The following GSDMB variants were observed in gnomAD, a reference collection of about 807,000 sequenced individuals.
GSDMB encodes the protein gasdermin-B.
Under a neutral mutation model 42.9 loss-of-function variants are expected in GSDMB, and 32 were observed. That is an observed-to-expected ratio of 0.75 (90% CI 0.56 to 1.00). The LOEUF (loss-of-function observed/expected upper bound fraction) is 1.00. GSDMB is among the 50% of genes least tolerant of loss of function. The pLI is 0.00. For synonymous variants in GSDMB, 175 were observed against 193.7 expected, an observed-to-expected ratio of 0.90 and a Z score of 0.80; for missense variants, 468 against 498.5, an observed-to-expected ratio of 0.94 and a Z score of 0.58.
At chr17:39,906,828 T>G (rs1370812134) in intron 7 of GSDMB, 133 bp downstream of exon 7, 1 of 1,527,488 alleles carries the variant, frequency 6.5e-7, no homozygotes, top group African/African-American at 1.4e-5. Flanking sequence ...CAGACTAAAG[T>G]TGAAACCTGC....
rs765025185 is a variant in GSDMB at position 39,909,056 on chromosome 17, C to T, written c.577-14G>A. 1.5e-5 allele frequency: 22 copies of T among 1,516,062 alleles called. No individual in the cohort carries two copies. The highest frequency in any genetic ancestry group is 1.6e-5 in the Non-Finnish European group (18 of 1,109,726). 93.9% of individuals were successfully genotyped at this position (1,516,062 alleles called of 1,614,324 possible). A position where few individuals can be genotyped will look rare whatever the true frequency, so the allele number is the denominator to read the frequency against. ...TTCCCTTTGGCCCTAGAAAAAGGAG[C>T]TCACATTGACGGATCCCCAGGTGTT... On this transcript the variant is annotated splice_polypyrimidine_tract_variant and intron_variant, in intron 4 of 10. Transcript: ENST00000418519.
Position 39,904,879 on chromosome 17 carries a change from C to G in GSDMB, c.1184G>C (p.Cys395Ser). The G allele has an allele frequency of 6.2e-7, 1 of 1,613,782 alleles. No individual in the cohort carries two copies. The highest frequency in any genetic ancestry group is 8.5e-7 in the Non-Finnish European group (1 of 1,179,726). ...GATAGAGACAACAACATACAGCGCA[C>G]AGAGAATTCGTGCCTCAGGGTCATA... ...MDYDPEARIL[C>S]ALYVVVSILL... is the part of the protein sequence containing the mutation. Residue 395 changes from cysteine to serine, a missense_variant, in exon 11 of 11, where the codon TGT (cysteine) becomes TCT (serine). By Grantham distance (112) the Cys-to-Ser change is moderately radical (BLOSUM62 -1). Coordinates refer to ENST00000418519, the MANE Select transcript of GSDMB (RefSeq NM_001165958.2).
Position 39,908,960 on chromosome 17 carries a change from A to G in GSDMB, c.659T>C (p.Met220Thr), listed in dbSNP as rs753616333. The G allele has an allele frequency of 1.5e-5, 24 of 1,593,264 alleles. No homozygotes were observed. Among genetic ancestry groups the G allele is most frequent in the African/African-American group, 2.7e-5 (2 of 73,948 alleles). The change falls in exon 5 of 11, where the codon ATG (methionine) becomes ACG (threonine). Residue 220 changes from methionine to threonine, a missense_variant and splice_region_variant. Physicochemically the swap from Met to Thr is moderately conservative, Grantham distance 81. Transcript: ENST00000418519. The stretch of plus-strand genomic sequence containing the variant: ...GTTCTCCATCTGCCTTTGCTTACTC[A>G]TCGTCTCCTTGTTGGGGAAGACAAG... ...KQLVFPNKETMNIHFRGKTKS... is the reference protein window; with the variant it reads ...KQLVFPNKETTNIHFRGKTKS...
chr17:39,905,636 G>A, intron 9 of GSDMB, 140 bp from the exon 10 acceptor site: 1 of 887,384 alleles, frequency 1.1e-6, no homozygotes, highest in Non-Finnish European at 1.8e-6. Context: ...CTCCAAACAG[G>A]CCTCTGCTGT....
Position 39,906,008 on chromosome 17 carries a change from A to T in GSDMB, c.889-23T>A, listed in dbSNP as rs1395551155. 3.7e-6 allele frequency: 6 copies of T among 1,613,530 alleles called. No homozygotes were observed. The South Asian group carries it at 6.6e-5, about 18-fold the overall frequency. On this transcript the variant is annotated intron_variant, in intron 8 of 10. Transcript: ENST00000418519. The stretch of plus-strand genomic sequence containing the variant: ...TACCTAGGGCCAGGAAGTGTGGGAG[A>T]TGAGCAGCAGTCTCACCATAGCAGA...
At chr17:39,918,273 C>T (rs2063751619) in intron 1 of GSDMB, 2 of 152,202 alleles carry the variant, frequency 1.3e-5, no homozygotes, top group Non-Finnish European at 2.9e-5. Flanking sequence ...TGCCTCCCTA[C>T]CAACAATTTC....
chr17:39,917,039 C>A, intron 2 of GSDMB, 43 bp downstream of exon 2: 1 of 1,305,160 alleles, frequency 7.7e-7, no homozygotes, highest in South Asian at 1.2e-5. Flanking sequence ...TACAAACGGT[C>A]AAGGCCTCCT....
At chr17:39,915,522 T>G (rs2063694321) in intron 2 of GSDMB, among the ~76,000 whole-genome samples, 1 of 151,896 alleles carries the variant, frequency 6.6e-6, no homozygotes, top group African/African-American at 2.4e-5. Flanking sequence ...CCCTGGGGAG[T>G]AATATTATTG....
In GSDMB at chr17:39,913,182, A is replaced by G. The variant is rs2063645411; in HGVS notation, c.236-685T>C. Among the ~76,000 whole-genome samples the G allele has an allele frequency of 2.0e-5, 3 of 152,206 alleles. No homozygotes were observed. The South Asian group carries it at 6.2e-4, about 32-fold the overall frequency. On this transcript the variant is annotated intron_variant, in intron 2 of 10. Transcript: ENST00000418519. ...GAAAAGAAATGAAGAAATTAAATAT[A>G]ATGATGTAGTTAAGCACTTAACCAA...
At chr17:39,912,266 C>G in intron 3 of GSDMB, 60 bp downstream of exon 3, 2 of 1,246,314 alleles carry the variant, frequency 1.6e-6, no homozygotes, top group East Asian at 2.4e-5. Flanking sequence ...ACCCTTGAAT[C>G]CCTTGGTGCC....
At chr17:39,907,022 A>C in intron 6 of GSDMB, 35 bp from the exon 7 acceptor site, 1 of 1,613,768 alleles carries the variant, frequency 6.2e-7, no homozygotes, top group Non-Finnish European at 8.5e-7. Flanking sequence ...CAGAATCTTC[A>C]GATCACCTCC....
At chr17:39,908,308 T>C in intron 5 of GSDMB, 94 bp from the exon 6 acceptor site, 6 of 384,260 alleles carry the variant, frequency 1.6e-5, no homozygotes, top group East Asian at 5.4e-5. Flanking sequence ...TCTCAATCCC[T>C]ATACCAGCCT....
Position 39,912,501 on chromosome 17 carries a change from G to C in GSDMB, c.236-4C>G. On this transcript the variant is annotated splice_region_variant and splice_polypyrimidine_tract_variant and intron_variant, in intron 2 of 10. Transcript: ENST00000418519. ...ATTTGAAACTCAGCCTTTTGACCTG[G>C]AAAGAGAATGATAAAGGTCACTCTG... is the stretch of plus-strand genomic sequence containing the variant. 6.2e-7 allele frequency: 1 copy of C among 1,608,330 alleles called. No individual in the cohort carries two copies. The highest frequency in any genetic ancestry group is 2.2e-5 in the East Asian group (1 of 44,840).
At chr17:39,906,343 T>A in intron 7 of GSDMB, 72 bp from the exon 8 acceptor site, 1 of 1,446,736 alleles carries the variant, frequency 6.9e-7, no homozygotes, top group Non-Finnish European at 9.5e-7. Context: ...CTGTTATTTG[T>A]CTGACTGTCT....
At chr17:39,911,875 G>C (rs1034960516) in intron 3 of GSDMB, among the ~76,000 whole-genome samples, 4 of 152,126 alleles carry the variant, frequency 2.6e-5, no homozygotes, top group Admixed American at 1.3e-4. Context: ...GGTGGAGGTT[G>C]CAGTGAGCCG....
intron 1 of GSDMB, chr17:39,917,655 C>A (rs1321030402): frequency 3.2e-6 from 1 of 311,598 alleles, no homozygotes; most frequent in Non-Finnish European, 6.2e-6. Context: ...TGTAATATTT[C>A]TCCACCCTTG....
In GSDMB at chr17:39,909,809, G is replaced by A; in HGVS notation, c.523C>T (p.Gln175Ter). ...VKEETLKSDRQYKFWSQISQG... is the reference protein window; with the variant it reads ...VKEETLKSDR ...GAGATCTGGCTCCAAAATTTATATT[G>A]CCGGTCGCTTTTCAGGGTTTCCTCC... Residue 175 changes from glutamine (Q) to a stop codon, truncating the protein, a stop_gained, in exon 4 of 11, where the codon CAA becomes TAA. Coordinates refer to ENST00000418519, the MANE Select transcript of GSDMB (RefSeq NM_001165958.2). LOFTEE classifies it high-confidence loss of function. 1 of 1,614,058 alleles carries A rather than the reference G, an allele frequency of 6.2e-7. No individual in the cohort carries two copies. Among genetic ancestry groups the A allele is most frequent in the East Asian group, 2.2e-5 (1 of 44,872 alleles).
chr17:39,904,763 C>G lies in GSDMB; in HGVS notation c.*49G>C. ...TAGTGGCGATGGCAGTGAGGACAGA[C>G]TGGTAAAGGGAAAACCCAGAGGCTT... On this transcript the variant is annotated 3_prime_UTR_variant, in exon 11 of 11. Coordinates refer to ENST00000418519, the MANE Select transcript of GSDMB (RefSeq NM_001165958.2). 6.4e-7 allele frequency: 1 copy of G among 1,555,002 alleles called. No individual in the cohort carries two copies. Among genetic ancestry groups the G allele is most frequent in the Non-Finnish European group, 8.8e-7 (1 of 1,131,784 alleles).
At chr17:39,915,578 G>T (rs2063695041) in intron 2 of GSDMB, among the ~76,000 whole-genome samples, 1 of 148,356 alleles carries the variant, frequency 6.7e-6, no homozygotes, top group Non-Finnish European at 1.5e-5. Context: ...TCCATTTTCA[G>T]TGAATTGATC....
Sources: allele counts gnomAD v4.1 joint callset (sites outside exome capture counted in the v4.1 genomes callset), GRCh38; gene constraint gnomAD v4.1.1; transcripts MANE v1.5; gene names NCBI Gene and HGNC (gene_info 2026-07-23, HGNC 2026-07-21).